MAGI2: variants seen among roughly 807,000 people sequenced by gnomAD.
MAGI2 encodes membrane-associated guanylate kinase, WW and PDZ domain-containing protein 2.
MAGI2 carries 35 observed loss-of-function variants against 133.3 expected under a neutral mutation model. That is an observed-to-expected ratio of 0.26 (90% confidence interval 0.20 to 0.35). The LOEUF (loss-of-function observed/expected upper bound fraction) is 0.35. Among genes scored for constraint, MAGI2 ranks in the 10% least tolerant of loss-of-function variants. MAGI2 has a pLI of 1.00. For missense variants in MAGI2, 1,636 were observed against 1,863.4 expected, an observed-to-expected ratio of 0.88 and a Z score of 2.25; for synonymous variants, 729 against 710.6, an observed-to-expected ratio of 1.03 and a Z score of -0.41.
chr7:78,098,530 T>C (rs548605123), intron 20 of MAGI2, among the ~76,000 whole-genome samples: 1 of 152,302 alleles, frequency 6.6e-6, no homozygotes, highest in Admixed American at 6.5e-5. Context: ...TTCCCTCTAA[T>C]ATTTGCAATT....
At chr7:79,265,642 T>G (rs1834400831) in intron 1 of MAGI2, among the ~76,000 whole-genome samples, 1 of 152,176 alleles carries the variant, frequency 6.6e-6, no homozygotes, top group South Asian at 2.1e-4. Context: ...TGTTACGTTT[T>G]AAAGACAATG....
At chr7:78,847,854 T>C (rs1792759934) in intron 2 of MAGI2, among the ~76,000 whole-genome samples, 1 of 151,960 alleles carries the variant, frequency 6.6e-6, no homozygotes, top group Non-Finnish European at 1.5e-5. Flanking sequence ...GAATCTAAGC[T>C]CCTTGAAGGC....
chr7:79,398,272 T>G (rs1346616489), intron 1 of MAGI2, among the ~76,000 whole-genome samples: 3 of 152,174 alleles, frequency 2.0e-5, no homozygotes, highest in Non-Finnish European at 2.9e-5. Flanking sequence ...ACCAAAATCT[T>G]TTTTCTTAGA....
intron 2 of MAGI2, among the ~76,000 whole-genome samples, chr7:78,653,170 C>G (rs892247750): frequency 6.6e-6 from 1 of 152,120 alleles, no homozygotes; most frequent in East Asian, 1.9e-4. Flanking sequence ...AATAGGAACA[C>G]TTTTACACTG....
At chr7:79,035,421 A>T (rs1416811228) in intron 1 of MAGI2, among the ~76,000 whole-genome samples, 1 of 152,206 alleles carries the variant, frequency 6.6e-6, no homozygotes, top group African/African-American at 2.4e-5. Flanking sequence ...CATTATTAGT[A>T]AAATAGTTGC....
chr7:79,282,491 TAATG>T (rs1345766751), intron 1 of MAGI2, among the ~76,000 whole-genome samples: 1 of 152,162 alleles, frequency 6.6e-6, no homozygotes, highest in Non-Finnish European at 1.5e-5. Context: ...GTTAGAGAGT[TAATG>T]AAGCTTAAGA....
intron 9 of MAGI2, among the ~76,000 whole-genome samples, chr7:78,342,409 C>T (rs1253384716): frequency 6.6e-6 from 1 of 152,134 alleles, no homozygotes; most frequent in Admixed American, 6.5e-5. Context: ...GGCAATTCCT[C>T]AAGGATCTAG....
chr7:78,889,921 G>C (rs1365038376), intron 2 of MAGI2, among the ~76,000 whole-genome samples: 1 of 152,132 alleles, frequency 6.6e-6, no homozygotes, highest in East Asian at 1.9e-4. Flanking sequence ...CCAATTAAAA[G>C]ACACAGACTG....
chr7:78,417,360 G>T (rs1798394971), intron 6 of MAGI2, among the ~76,000 whole-genome samples: 2 of 151,366 alleles, frequency 1.3e-5, no homozygotes, highest in South Asian at 2.1e-4. Context: ...ATGATTGACG[G>T]GTGTGTGGGA....
intron 1 of MAGI2, among the ~76,000 whole-genome samples, chr7:79,395,928 A>G (rs1845015050): frequency 6.6e-6 from 1 of 152,170 alleles, no homozygotes; most frequent in African/African-American, 2.4e-5. Context: ...GAATATATAG[A>G]TATTGCTCTT....
At chr7:79,094,465 G>A (rs1240477867) in intron 1 of MAGI2, among the ~76,000 whole-genome samples, 1 of 152,178 alleles carries the variant, frequency 6.6e-6, no homozygotes, top group African/African-American at 2.4e-5. Flanking sequence ...AACTGTTAAT[G>A]TCAATATTTG....
intron 3 of MAGI2, among the ~76,000 whole-genome samples, chr7:78,593,274 C>T (rs961795282): frequency 2.0e-5 from 3 of 151,996 alleles, no homozygotes; most frequent in Non-Finnish European, 2.9e-5. Context: ...CGCCTGTAGT[C>T]CCAGCTACTC....
chr7:79,130,900 A>AATTC (rs10555338), intron 1 of MAGI2, among the ~76,000 whole-genome samples: 3,607 of 150,688 alleles, frequency 0.024, 102 homozygotes, highest in East Asian at 0.13. Context: ...GAAAGTCACC[A>AATTC]ATTCATTCAT....
In MAGI2 at chr7:78,573,221, TATATAA is replaced by T. The variant is rs1379719068; in HGVS notation, c.539-51582_539-51577del. On this transcript the variant is annotated intron_variant, in intron 3 of 21. Transcript: ENST00000354212. ...ATATATATAAATATATATATAAATATATATAAATATAAATATATATATATAAATATA... is the reference window on the plus strand; with the variant it reads ...ATATATATAAATATATATATAAATATATATAAATATATATATATAAATATA... Among the ~76,000 whole-genome samples the T allele has an allele frequency of 8.0e-4, 61 of 75,876 alleles. 2 individuals are homozygous for T. Among genetic ancestry groups the T allele is most frequent in the South Asian group, 4.4e-3 (13 of 2,984 alleles). 49.8% of individuals were successfully genotyped at this position (75,876 alleles called of 152,430 possible).
At chr7:78,592,340 A>G (rs7786733) in intron 3 of MAGI2, among the ~76,000 whole-genome samples, 3 of 147,326 alleles carry the variant, frequency 2.0e-5, no homozygotes. Context: ...ATAGTAGACT[A>G]TTTTTTTTTT....
chr7:79,200,617 A>G (rs1450581192), intron 1 of MAGI2, among the ~76,000 whole-genome samples: 1 of 151,694 alleles, frequency 6.6e-6, no homozygotes, highest in African/African-American at 2.4e-5. Context: ...TCTCAAAAAA[A>G]AAAAAAAGTT....
At chr7:79,156,306 G>A (rs1252606338) in intron 1 of MAGI2, among the ~76,000 whole-genome samples, 4 of 152,000 alleles carry the variant, frequency 2.6e-5, no homozygotes, top group African/African-American at 9.7e-5. Flanking sequence ...CTTTTGTGGG[G>A]GAAAATTTGC....
intron 2 of MAGI2, among the ~76,000 whole-genome samples, chr7:78,965,116 T>C (rs1328635499): frequency 6.6e-6 from 1 of 151,416 alleles, no homozygotes; most frequent in Non-Finnish European, 1.5e-5. Context: ...TTTGTATTCA[T>C]ATAATTTAAA....
chr7:78,696,540 G>A (rs1474255285), intron 2 of MAGI2, among the ~76,000 whole-genome samples: 3 of 152,086 alleles, frequency 2.0e-5, no homozygotes, highest in African/African-American at 7.2e-5. Flanking sequence ...ACAGATGAAG[G>A]ACAAACATGT....
Sources: gnomAD v4.1 joint callset for allele counts (sites outside exome capture counted in the v4.1 genomes callset) on GRCh38, gnomAD v4.1.1 for gene constraint, MANE v1.5 for transcripts, NCBI Gene and HGNC (gene_info 2026-07-23, HGNC 2026-07-21) for gene names.